Variants in LRBA observed in about 807,000 individuals in gnomAD.
The protein encoded by LRBA is LPS responsive beige-like anchor protein, also known as lipopolysaccharide-responsive and beige-like anchor protein.
In LRBA, 176 loss-of-function variants were observed where a neutral mutation model predicts 330.0. The observed-to-expected ratio is 0.53, with a 90% CI of 0.47 to 0.60. The LOEUF is 0.60. Among genes scored for constraint, LRBA ranks in the 20% least tolerant of loss-of-function variants. The pLI, the probability that LRBA is intolerant of heterozygous loss-of-function variation, is 0.00. For missense variants in LRBA, 3,259 were observed against 3,444.8 expected, an observed-to-expected ratio of 0.95 and a Z score of 1.35; for synonymous variants, 1,230 against 1,193.0, an observed-to-expected ratio of 1.03 and a Z score of -0.64.
chr4:150,728,604 C>G (rs1306812939), intron 36 of LRBA, among the ~76,000 whole-genome samples: 2 of 151,516 alleles, frequency 1.3e-5, no homozygotes, highest in African/African-American at 4.9e-5. Context: ...AAAAAATGAT[C>G]ATTTCAATTG....
intron 37 of LRBA, among the ~76,000 whole-genome samples, chr4:150,622,798 G>C (rs937241296): frequency 6.7e-6 from 1 of 148,956 alleles, no homozygotes; most frequent in African/African-American, 2.5e-5. Flanking sequence ...CCTGGGTTCA[G>C]GCCATTCTCC....
intron 2 of LRBA, among the ~76,000 whole-genome samples, chr4:150,969,638 C>A (rs1281165972): frequency 1.3e-5 from 2 of 152,054 alleles, no homozygotes; most frequent in Non-Finnish European, 2.9e-5. Context: ...CAGCTAATTT[C>A]TTTTTATTTT....
chr4:150,537,648 C>T (rs575726536), intron 40 of LRBA, among the ~76,000 whole-genome samples: 33 of 152,032 alleles, frequency 2.2e-4, no homozygotes, highest in Non-Finnish European at 2.9e-4. Context: ...CCCAAAGAAC[C>T]CCATTAAAAA....
At chr4:150,498,921 TAA>T (rs1421147240) in intron 40 of LRBA, among the ~76,000 whole-genome samples, 1 of 152,178 alleles carries the variant, frequency 6.6e-6, no homozygotes, top group African/African-American at 2.4e-5. Flanking sequence ...CTTTATCCAG[TAA>T]AGAGTTTTGT....
chr4:150,368,920 T>A (rs1054242966), intron 47 of LRBA, among the ~76,000 whole-genome samples: 1 of 152,198 alleles, frequency 6.6e-6, no homozygotes, highest in African/African-American at 2.4e-5. Flanking sequence ...GAAAACAGAT[T>A]AAACTGTTTG....
chr4:150,636,021 T>C (rs1399473964), intron 37 of LRBA, among the ~76,000 whole-genome samples: 4 of 152,182 alleles, frequency 2.6e-5, no homozygotes, highest in African/African-American at 7.2e-5. Flanking sequence ...AGACTCAGAC[T>C]AGGCACTCTG....
intron 40 of LRBA, among the ~76,000 whole-genome samples, chr4:150,506,629 T>C (rs2152123994): frequency 6.6e-6 from 1 of 152,334 alleles, no homozygotes; most frequent in East Asian, 1.9e-4. Flanking sequence ...TCATACTGAA[T>C]GGACAAAAAC....
intron 40 of LRBA, chr4:150,579,275 TC>T (rs1770916340): frequency 1.6e-5 from 7 of 451,418 alleles, no homozygotes; most frequent in South Asian, 1.1e-4. Context: ...GGATACCGTT[TC>T]CCCCTTCAAT....
intron 37 of LRBA, among the ~76,000 whole-genome samples, chr4:150,622,309 C>G (rs1776371985): frequency 6.6e-6 from 1 of 152,154 alleles, no homozygotes; most frequent in Admixed American, 6.6e-5. Context: ...GAGGCTGAGG[C>G]AGAAGGATCA....
At chr4:150,860,164 C>T (rs1751712795) in intron 22 of LRBA, among the ~76,000 whole-genome samples, 2 of 151,998 alleles carry the variant, frequency 1.3e-5, no homozygotes, top group African/African-American at 4.8e-5. Context: ...CCTCATGAAA[C>T]AGAAAAGCCT....
intron 13 of LRBA, among the ~76,000 whole-genome samples, chr4:150,902,168 G>A (rs1324632526): frequency 2.6e-5 from 4 of 152,092 alleles, no homozygotes; most frequent in African/African-American, 9.7e-5. Context: ...ATTATTATAG[G>A]ATAAACTGAA....
At chr4:150,650,385 T>A (rs1779595241) in intron 37 of LRBA, among the ~76,000 whole-genome samples, 1 of 152,198 alleles carries the variant, frequency 6.6e-6, no homozygotes, top group African/African-American at 2.4e-5. Context: ...CAAGAAAACA[T>A]TCTATTTTTT....
intron 42 of LRBA, among the ~76,000 whole-genome samples, chr4:150,474,696 C>G (rs999433428): frequency 6.6e-6 from 1 of 152,138 alleles, no homozygotes; most frequent in Non-Finnish European, 1.5e-5. Flanking sequence ...TTGTACAAAT[C>G]TTACACTTCT....
chr4:150,607,895 C>A (rs1156574716), intron 37 of LRBA, among the ~76,000 whole-genome samples: 1 of 152,130 alleles, frequency 6.6e-6, no homozygotes, highest in Non-Finnish European at 1.5e-5. Context: ...ATTATCCAGG[C>A]ATGGTGGCAT....
At chr4:150,399,156 C>T (rs903246912) in intron 47 of LRBA, among the ~76,000 whole-genome samples, 5 of 152,038 alleles carry the variant, frequency 3.3e-5, no homozygotes, top group Non-Finnish European at 5.9e-5. Context: ...ACTTAACTAC[C>T]TGTATTTTAT....
chr4:150,493,334 T>C lies in LRBA; in HGVS notation c.6331-2299A>G, dbSNP rs1581479532. Reference sequence around the variant, plus strand: ...TGCTAGCCTATTGCCTCTTCAGCACTAGAATACTAGAATCTAAGTTCTGTT... The same window carrying C: ...TGCTAGCCTATTGCCTCTTCAGCACCAGAATACTAGAATCTAAGTTCTGTT... On this transcript the variant is annotated intron_variant, in intron 40 of 56. Coordinates refer to ENST00000651943, the MANE Select transcript of LRBA (RefSeq NM_001364905.1). Among the ~76,000 whole-genome samples, 4 of 152,336 alleles carry C rather than the reference T, an allele frequency of 2.6e-5. No homozygotes were observed. The South Asian group carries it at 8.3e-4, about 32-fold the overall frequency.
chr4:150,662,767 G>GCAAC (rs1781234747), intron 37 of LRBA, among the ~76,000 whole-genome samples: 1 of 152,162 alleles, frequency 6.6e-6, no homozygotes, highest in South Asian at 2.1e-4. Context: ...TGGAGTTTGA[G>GCAAC]ACCAGTCTGG....
At chr4:150,961,531 C>CA (rs1168205466) in intron 2 of LRBA, among the ~76,000 whole-genome samples, 1 of 148,746 alleles carries the variant, frequency 6.7e-6, no homozygotes, top group Non-Finnish European at 1.5e-5. Flanking sequence ...GTTTCAAAAA[C>CA]AAAAAATACT....
chr4:150,844,261 C>T lies in LRBA; in HGVS notation c.4462-54G>A, dbSNP rs2126885682. On this transcript the variant is annotated intron_variant, in intron 27 of 56. Coordinates refer to ENST00000651943, the MANE Select transcript of LRBA (RefSeq NM_001364905.1). The stretch of plus-strand genomic sequence containing the variant: ...TATATATATTCATATATACATTACA[C>T]AGATATTCTTTAAAAATAAACACAG... 5 of 845,684 alleles carry T rather than the reference C, an allele frequency of 5.9e-6. No homozygotes were observed. In the South Asian group the frequency reaches 1.1e-4, roughly 19 times the overall value. The allele number at this position is 845,684 out of a possible 1,614,324, so 52.4% of individuals were successfully genotyped here.
Sources: gnomAD v4.1 joint callset for allele counts (sites outside exome capture counted in the v4.1 genomes callset) on GRCh38, gnomAD v4.1.1 for gene constraint, MANE v1.5 for transcripts, NCBI Gene and HGNC (gene_info 2026-07-23, HGNC 2026-07-21) for gene names.